The following IL36B variants were observed in gnomAD, a reference collection of about 807,000 sequenced individuals.
IL36B encodes the protein interleukin 36 beta.
In IL36B, 23 loss-of-function variants were observed where a neutral mutation model predicts 19.3. That is an observed-to-expected ratio of 1.19 (90% CI 0.86 to 1.69). The LOEUF is 1.69. Among genes scored for constraint, IL36B ranks in the 40% most tolerant of loss-of-function variants. IL36B has a pLI of 0.00. For synonymous variants in IL36B, 59 were observed against 59.7 expected (o/e 0.99, Z 0.05); for missense variants, 217 against 200.5 (o/e 1.08, Z -0.50).
Position 113,029,070 on chromosome 2 carries a change from G to T in IL36B, c.130C>A (p.His44Asn). The T allele has an allele frequency of 6.2e-7, 1 of 1,611,718 alleles. No individual in the cohort carries two copies. The highest frequency in any genetic ancestry group is 8.5e-7 in the Non-Finnish European group (1 of 1,179,152). Residue 44 changes from histidine (H) to asparagine (N), a missense_variant, in exon 4 of 6, where the codon CAT (histidine) becomes AAT (asparagine). Physicochemically the swap from His to Asn is moderately conservative, Grantham distance 68. Transcript: ENST00000259213. ...TCTGTGTCTCTACAGGCTATTAAAT[G>T]AAGAGTGACTGGAAACACAAAGGAA...
At chr2:113,046,773 A>G (rs1486332951) in intron 1 of IL36B, among the ~76,000 whole-genome samples, 1 of 148,538 alleles carries the variant, frequency 6.7e-6, no homozygotes, top group African/African-American at 2.5e-5. Flanking sequence ...TAAGGTACAT[A>G]CTGTCAACAT....
intron 1 of IL36B, among the ~76,000 whole-genome samples, chr2:113,037,167 G>A (rs1259460524): frequency 1.3e-5 from 2 of 152,092 alleles, no homozygotes; most frequent in Non-Finnish European, 2.9e-5. Flanking sequence ...AGGTACCTAT[G>A]GCTCTCAACG....
At chr2:113,046,201 G>GTTT (rs779577764) in intron 1 of IL36B, among the ~76,000 whole-genome samples, 2 of 145,038 alleles carry the variant, frequency 1.4e-5, no homozygotes, top group African/African-American at 5.2e-5. Flanking sequence ...GTTTCTTCAG[G>GTTT]TTTTTTCTTT....
intron 5 of IL36B, among the ~76,000 whole-genome samples, chr2:113,025,521 G>C (rs1245575005): frequency 6.6e-6 from 1 of 152,204 alleles, no homozygotes; most frequent in Non-Finnish European, 1.5e-5. Context: ...TATGTACCTA[G>C]AATTTGGTTG....
chr2:113,046,294 C>T (rs1485482953), intron 1 of IL36B, among the ~76,000 whole-genome samples: 1 of 151,412 alleles, frequency 6.6e-6, no homozygotes, highest in Non-Finnish European at 1.5e-5. Context: ...ACTGCAAGCT[C>T]CACCTCCCGG....
intron 1 of IL36B, among the ~76,000 whole-genome samples, chr2:113,047,752 T>C (rs911827270): frequency 2.0e-5 from 3 of 152,140 alleles, no homozygotes; most frequent in African/African-American, 7.2e-5. Context: ...GAATTGGAAA[T>C]ATATTGTTGT....
Position 113,029,077 on chromosome 2 carries a change from G to T in IL36B, c.123C>A (p.Val41=). 6.2e-7 allele frequency: 1 copy of T among 1,611,122 alleles called. No individual in the cohort carries two copies. Among genetic ancestry groups the T allele is most frequent in the Non-Finnish European group, 8.5e-7 (1 of 1,178,850 alleles). ...CTCTACAGGCTATTAAATGAAGAGT[G>T]ACTGGAAACACAAAGGAAAATGGAG... Residue 41 remains valine, a splice_region_variant and synonymous_variant, in exon 4 of 6, where the codon GTC becomes GTA. Transcript: ENST00000259213.
chr2:113,041,954 G>A (rs1298433101), intron 1 of IL36B, among the ~76,000 whole-genome samples: 1 of 152,178 alleles, frequency 6.6e-6, no homozygotes, highest in South Asian at 2.1e-4. Flanking sequence ...TGGAAAGGGG[G>A]TGGCATTACC....
chr2:113,031,562 C>T lies in IL36B; in HGVS notation c.13+135G>A, dbSNP rs371530920. The T allele has an allele frequency of 1.7e-4, 118 of 705,888 alleles. 1 individual carries two copies. The highest frequency in any genetic ancestry group is 1.6e-3 in the African/African-American group (87 of 55,384). The allele number at this position is 705,888 out of a possible 1,614,324, so 43.7% of individuals were successfully genotyped here. On this transcript the variant is annotated intron_variant, in intron 2 of 5. Transcript: ENST00000259213. Reference sequence around the variant, plus strand: ...TAGGTGCCCCGAGATTTTCAAAGGCCGTTTTAGGAACTGAGTGTTTTAGCA... The same window carrying T: ...TAGGTGCCCCGAGATTTTCAAAGGCTGTTTTAGGAACTGAGTGTTTTAGCA...
intron 4 of IL36B, 111 bp downstream of exon 4, chr2:113,028,828 T>C (rs1449755799): frequency 8.8e-7 from 1 of 1,134,020 alleles, no homozygotes; most frequent in Non-Finnish European, 1.2e-6. Flanking sequence ...ATTATTTCCT[T>C]ACATTGAATA....
At chr2:113,041,417 C>T (rs1471733858) in intron 1 of IL36B, among the ~76,000 whole-genome samples, 1 of 152,150 alleles carries the variant, frequency 6.6e-6, no homozygotes, top group South Asian at 2.1e-4. Context: ...ATCTCAAACC[C>T]TACCTCACAC....
intron 1 of IL36B, among the ~76,000 whole-genome samples, chr2:113,047,224 C>T (rs892411353): frequency 2.0e-5 from 3 of 152,060 alleles, no homozygotes; most frequent in African/African-American, 7.3e-5. Context: ...TTAGGCTGCT[C>T]TTGTGTATTT....
At chr2:113,047,159 C>G (rs776543548) in intron 1 of IL36B, among the ~76,000 whole-genome samples, 1 of 152,174 alleles carries the variant, frequency 6.6e-6, no homozygotes, top group Non-Finnish European at 1.5e-5. Context: ...CTTTGACATA[C>G]CAATCACTGT....
At chr2:113,035,238 G>A (rs1437966131) in intron 1 of IL36B, among the ~76,000 whole-genome samples, 2 of 152,182 alleles carry the variant, frequency 1.3e-5, no homozygotes, top group African/African-American at 4.8e-5. Context: ...GATCTATTCA[G>A]GTCCTGAGAG....
chr2:113,048,686 A>T (rs756976571), intron 1 of IL36B, among the ~76,000 whole-genome samples: 43 of 152,194 alleles, frequency 2.8e-4, no homozygotes, highest in Non-Finnish European at 8.8e-5. Context: ...GAGAATATTA[A>T]TGAAGCTAAA....
chr2:113,042,999 T>C (rs902084259), intron 1 of IL36B, among the ~76,000 whole-genome samples: 1 of 152,158 alleles, frequency 6.6e-6, no homozygotes, highest in Non-Finnish European at 1.5e-5. Context: ...AGCTCATTGC[T>C]ATTTTATTTG....
chr2:113,041,033 T>C (rs892334802), intron 1 of IL36B, among the ~76,000 whole-genome samples: 2 of 152,104 alleles, frequency 1.3e-5, no homozygotes, highest in Admixed American at 1.3e-4. Flanking sequence ...CTTGCGCCTG[T>C]GGTCCCAGCT....
intron 5 of IL36B, among the ~76,000 whole-genome samples, chr2:113,023,792 G>GTTCT (rs2105037945): frequency 6.6e-6 from 1 of 152,252 alleles, no homozygotes; most frequent in South Asian, 2.1e-4. Flanking sequence ...TAGTAAGGTA[G>GTTCT]TTAACTGATC....
chr2:113,022,983 T>A (rs774405900), intron 5 of IL36B, among the ~76,000 whole-genome samples: 24 of 152,172 alleles, frequency 1.6e-4, no homozygotes, highest in Non-Finnish European at 3.1e-4. Context: ...TTAGAGTTGG[T>A]GGGCATGGTT....
Sources: gnomAD v4.1 joint callset for allele counts (sites outside exome capture counted in the v4.1 genomes callset) on GRCh38, gnomAD v4.1.1 for gene constraint, MANE v1.5 for transcripts, NCBI Gene and HGNC (gene_info 2026-07-23, HGNC 2026-07-21) for gene names.